Variants in ZNF573 observed in about 807,000 individuals in gnomAD.
ZNF573 encodes the protein zinc finger protein 573.
A neutral mutation model predicts 57.4 loss-of-function variants in ZNF573; 41 were observed. The observed-to-expected ratio is 0.71, with a 90% confidence interval of 0.56 to 0.93. The LOEUF (loss-of-function observed/expected upper bound fraction) is 0.93, where lower values mean the gene tolerates loss of function less well. Ranked by LOEUF, ZNF573 falls within the 40% of genes least tolerant of loss-of-function variation. The pLI is 0.00. For synonymous variants in ZNF573, 249 were observed against 261.0 expected, an observed-to-expected ratio of 0.95 and a Z score of 0.44; for missense variants, 730 against 794.8, an observed-to-expected ratio of 0.92 and a Z score of 0.98.
chr19:37,750,518 C>T (rs574776355), intron 4 of ZNF573, among the ~76,000 whole-genome samples: 2 of 152,026 alleles, frequency 1.3e-5, no homozygotes, highest in East Asian at 1.9e-4. Flanking sequence ...AATTGGAGTC[C>T]AGCATGCAAG....
Position 37,771,748 on chromosome 19 carries a change from T to C in ZNF573, c.70-52A>G, listed in dbSNP as rs937993643. 1.1e-5 allele frequency: 17 copies of C among 1,553,428 alleles called. No homozygotes were observed. The African/African-American group carries it at 1.3e-4, about 12-fold the overall frequency. On this transcript the variant is annotated intron_variant, in intron 2 of 4. Transcript: ENST00000536220. ...TAAAAACATTTTAAAGAAGGAAAGA[T>C]AGGAGATTACAAGAGCACATTAGAG...
At chr19:37,774,230 C>T (rs2145336098) in intron 1 of ZNF573, among the ~76,000 whole-genome samples, 1 of 150,770 alleles carries the variant, frequency 6.6e-6, no homozygotes. Context: ...CTCTGCCACC[C>T]AGGTTCAAGC....
chr19:37,757,126 C>T (rs750002336), intron 4 of ZNF573, among the ~76,000 whole-genome samples: 23 of 151,974 alleles, frequency 1.5e-4, no homozygotes, highest in Non-Finnish European at 2.8e-4. Flanking sequence ...AGGCCAATTG[C>T]TTACTCATCA....
chr19:37,765,043 T>C (rs919392954), intron 4 of ZNF573, among the ~76,000 whole-genome samples: 2 of 151,796 alleles, frequency 1.3e-5, no homozygotes, highest in African/African-American at 4.8e-5. Context: ...GTAGCTGGAA[T>C]TACAGGTAGC....
intron 4 of ZNF573, among the ~76,000 whole-genome samples, chr19:37,761,959 G>A (rs545715913): frequency 2.6e-5 from 4 of 152,288 alleles, no homozygotes; most frequent in African/African-American, 9.6e-5. Context: ...GGCCCGGACA[G>A]ATACAATTAT....
At chr19:37,768,044 T>A (rs1380440873) in intron 4 of ZNF573, among the ~76,000 whole-genome samples, 1 of 152,094 alleles carries the variant, frequency 6.6e-6, no homozygotes, top group Non-Finnish European at 1.5e-5. Context: ...TATAAAATAA[T>A]CTTGTATGTC....
intron 4 of ZNF573, among the ~76,000 whole-genome samples, chr19:37,741,973 C>T (rs1461638465): frequency 1.3e-5 from 2 of 152,082 alleles, no homozygotes; most frequent in Non-Finnish European, 2.9e-5. Flanking sequence ...CAACTTCAGC[C>T]AAGTCTCAGG....
intron 4 of ZNF573, among the ~76,000 whole-genome samples, chr19:37,746,596 T>C (rs779167644): frequency 1.3e-5 from 2 of 152,178 alleles, no homozygotes; most frequent in Admixed American, 6.5e-5. Flanking sequence ...TGTTTTTTTT[T>C]TGGGACGGAG....
chr19:37,775,512 C>T (rs2045699504), intron 1 of ZNF573, among the ~76,000 whole-genome samples: 1 of 152,148 alleles, frequency 6.6e-6, no homozygotes, highest in Non-Finnish European at 1.5e-5. Context: ...TATACACTGA[C>T]TTACCCGTTC....
intron 3 of ZNF573, among the ~76,000 whole-genome samples, chr19:37,771,142 C>A (rs116382329): frequency 0.014 from 2,068 of 151,526 alleles, 40 homozygotes; most frequent in African/African-American, 0.046. Flanking sequence ...TTCTTATACT[C>A]AGAGTAAATC....
intron 4 of ZNF573, among the ~76,000 whole-genome samples, chr19:37,766,042 A>G (rs2045599156): frequency 1.3e-5 from 2 of 151,424 alleles, no homozygotes; most frequent in African/African-American, 4.8e-5. Context: ...CTCCATCTCA[A>G]AAAAAAAAGA....
chr19:37,770,980 T>C (rs887141394), intron 3 of ZNF573, among the ~76,000 whole-genome samples: 3 of 150,208 alleles, frequency 2.0e-5, no homozygotes, highest in Admixed American at 6.7e-5. Flanking sequence ...CCGACTGATA[T>C]ATAAAATCTT....
intron 4 of ZNF573, among the ~76,000 whole-genome samples, chr19:37,764,389 C>T (rs1321567601): frequency 6.8e-5 from 10 of 146,422 alleles, no homozygotes; most frequent in Non-Finnish European, 1.2e-4. Flanking sequence ...GGCCCGATCT[C>T]GGCTCACTGC....
intron 4 of ZNF573, among the ~76,000 whole-genome samples, chr19:37,743,693 G>A (rs1014690233): frequency 1.3e-5 from 2 of 152,146 alleles, no homozygotes; most frequent in African/African-American, 2.4e-5. Context: ...GTGCATGTAC[G>A]TTTACTGCAG....
intron 4 of ZNF573, among the ~76,000 whole-genome samples, chr19:37,768,380 C>T (rs2045620781): frequency 6.6e-6 from 1 of 152,162 alleles, no homozygotes; most frequent in Non-Finnish European, 1.5e-5. Flanking sequence ...TGGTGCTCCT[C>T]AAACTCACAT....
At chr19:37,753,565 CAGAA>C (rs768173826) in intron 4 of ZNF573, among the ~76,000 whole-genome samples, 1 of 151,652 alleles carries the variant, frequency 6.6e-6, no homozygotes, top group East Asian at 1.9e-4. Context: ...AAAATAAAAA[CAGAA>C]AGAACTGGAG....
intron 4 of ZNF573, among the ~76,000 whole-genome samples, chr19:37,767,481 C>A (rs550703607): frequency 7.9e-4 from 120 of 152,256 alleles, no homozygotes; most frequent in Admixed American, 2.2e-3. Context: ...GATCTGCCCG[C>A]CTCGGCCTCC....
chr19:37,758,491 C>T (rs1454413646), intron 4 of ZNF573: 1 of 150,196 alleles, frequency 6.7e-6, no homozygotes, highest in African/African-American at 2.5e-5. Flanking sequence ...ATCCCAGCTA[C>T]TTGGAGGCTG....
chr19:37,765,313 C>T (rs1204718954), intron 4 of ZNF573, among the ~76,000 whole-genome samples: 1 of 152,154 alleles, frequency 6.6e-6, no homozygotes, highest in Non-Finnish European at 1.5e-5. Flanking sequence ...TAAAAGAACC[C>T]AATAGTTCAC....
Sources: allele counts gnomAD v4.1 joint callset (sites outside exome capture counted in the v4.1 genomes callset), GRCh38; gene constraint gnomAD v4.1.1; transcripts MANE v1.5; gene names NCBI Gene and HGNC (gene_info 2026-07-23, HGNC 2026-07-21).